The following ITGB1 variants were observed in gnomAD, a reference collection of about 807,000 sequenced individuals.
The protein encoded by ITGB1 is integrin subunit beta 1.
ITGB1 carries 24 observed loss-of-function variants against 86.5 expected under a neutral mutation model. The ratio of observed to expected loss-of-function variants is 0.28; its 90% CI spans 0.20 to 0.39. ITGB1 has a LOEUF of 0.39. Among genes scored for constraint, ITGB1 ranks in the 10% least tolerant of loss-of-function variants. The pLI is 1.00. For synonymous variants in ITGB1, 323 were observed against 316.8 expected, an observed-to-expected ratio of 1.02 and a Z score of -0.21; for missense variants, 556 against 946.9, an observed-to-expected ratio of 0.59 and a Z score of 5.42.
intron 1 of ITGB1, among the ~76,000 whole-genome samples, chr10:32,948,971 G>GAGAAAAAAAAAAAAAA (rs760315689): frequency 8.2e-6 from 1 of 121,384 alleles, no homozygotes; most frequent in Non-Finnish European, 1.8e-5. Flanking sequence ...GTGGATTACT[G>GAGAAAAAAAAAAAAAA]AAAAAAAAAA....
At chr10:32,947,700 T>C (rs989114759) in intron 1 of ITGB1, among the ~76,000 whole-genome samples, 1 of 152,136 alleles carries the variant, frequency 6.6e-6, no homozygotes, top group African/African-American at 2.4e-5. Flanking sequence ...CTCTGAGGTA[T>C]CAAAAAATAA....
At chr10:32,950,292 TAG>T (rs772668563) in intron 1 of ITGB1, among the ~76,000 whole-genome samples, 2 of 151,924 alleles carry the variant, frequency 1.3e-5, no homozygotes, top group Non-Finnish European at 2.9e-5. Context: ...TTATCCCACA[TAG>T]AGAGTAATAA....
intron 1 of ITGB1, chr10:32,953,900 C>A (rs2095047345): frequency 6.6e-6 from 1 of 152,180 alleles, no homozygotes. Context: ...CCCAGAAATA[C>A]CTATGTCACT....
At chr10:32,903,893 C>A (rs1363824294) in intron 15 of ITGB1, among the ~76,000 whole-genome samples, 2 of 151,474 alleles carry the variant, frequency 1.3e-5, no homozygotes, top group African/African-American at 4.9e-5. Flanking sequence ...CTAAGTGCTA[C>A]ACATTCCTTC....
Position 32,958,158 on chromosome 10 carries a change from C to G in ITGB1, c.-14G>C, listed in dbSNP as rs1194901456. On this transcript the variant is annotated 5_prime_UTR_variant, in exon 1 of 16. Coordinates refer to ENST00000302278, the MANE Select transcript of ITGB1 (RefSeq NM_002211.4). ...GCCGGCCCCTACCTTTTCCGCGCGG[C>G]GTCCGGGGCCCGGCGCGGTGGGCTC... 1 of 151,184 alleles carries G rather than the reference C, an allele frequency of 6.6e-6. No individual in the cohort carries two copies. Among genetic ancestry groups the G allele is most frequent in the African/African-American group, 2.4e-5 (1 of 41,256 alleles). 9.4% of individuals were successfully genotyped at this position (151,184 alleles called of 1,614,324 possible).
intron 11 of ITGB1, among the ~76,000 whole-genome samples, chr10:32,914,629 T>C (rs886856742): frequency 1.3e-4 from 20 of 152,118 alleles, no homozygotes; most frequent in African/African-American, 4.8e-4. Flanking sequence ...CCTAAATATA[T>C]ATGCACCCAA....
chr10:32,945,381 G>A (rs1233796291), intron 1 of ITGB1, among the ~76,000 whole-genome samples: 2 of 152,074 alleles, frequency 1.3e-5, no homozygotes, highest in Admixed American at 6.5e-5. Flanking sequence ...GGTGCATCAC[G>A]AGGTCAGGAG....
chr10:32,937,600 T>C (rs1470354385), intron 1 of ITGB1, among the ~76,000 whole-genome samples: 2 of 148,088 alleles, frequency 1.4e-5, no homozygotes, highest in Non-Finnish European at 3.0e-5. Flanking sequence ...TAATTTTGGA[T>C]GTAAAGTACA....
At position 32,952,654 on chromosome 10, in the gene ITGB1, T is replaced by C. The variant is rs888690449; in HGVS notation, c.-1+5491A>G. The stretch of plus-strand genomic sequence containing the variant: ...AAAAATGTGACTTCCATACTCCAAA[T>C]GGTACATACCTAATTTCGTATGTAA... On this transcript the variant is annotated intron_variant, in intron 1 of 15. Coordinates refer to ENST00000302278, the MANE Select transcript of ITGB1 (RefSeq NM_002211.4). Among the ~76,000 whole-genome samples, 45 of 152,290 alleles carry C rather than the reference T, an allele frequency of 3.0e-4. 1 individual carries two copies. Among genetic ancestry groups the C allele is most frequent in the Admixed American group, 2.9e-3 (44 of 15,296 alleles).
At chr10:32,937,554 CAAAAAAA>C (rs56280552) in intron 1 of ITGB1, among the ~76,000 whole-genome samples, 45,124 of 92,842 alleles carry the variant, frequency 0.49, 7,920 homozygotes, top group Middle Eastern at 0.63. Context: ...GACTCCGTCT[CAAAAAAA>C]AAAAAAAAAA....
At chr10:32,904,702 T>G (rs2094891455) in intron 15 of ITGB1, among the ~76,000 whole-genome samples, 1 of 152,146 alleles carries the variant, frequency 6.6e-6, no homozygotes, top group South Asian at 2.1e-4. Context: ...TTATTTCAAT[T>G]GTTAATTTCT....
intron 1 of ITGB1, among the ~76,000 whole-genome samples, chr10:32,956,396 A>AT (rs937511756): frequency 5.4e-5 from 8 of 149,292 alleles, no homozygotes; most frequent in East Asian, 2.0e-4. Flanking sequence ...TAAAACTACA[A>AT]TTAAAAAAAA....
chr10:32,912,139 CAAA>C lies in ITGB1; in HGVS notation c.1470-18_1470-16del, dbSNP rs1369721913. 1 of 1,597,822 alleles carries C rather than the reference CAAA, an allele frequency of 6.3e-7. No individual in the cohort carries two copies. Among genetic ancestry groups the C allele is most frequent in the Admixed American group, 1.7e-5 (1 of 58,360 alleles). ...CTTCATTGCACCTGAAGAAACATGC[CAAA>C]ATTGCAATCACACAAAACAAAAATA... On this transcript the variant is annotated splice_polypyrimidine_tract_variant and intron_variant, in intron 11 of 15. Transcript: ENST00000302278.
At chr10:32,951,233 G>C (rs2095042009) in intron 1 of ITGB1, among the ~76,000 whole-genome samples, 1 of 152,078 alleles carries the variant, frequency 6.6e-6, no homozygotes, top group Middle Eastern at 3.4e-3. Context: ...CACAAAAGTC[G>C]AGGAAAAGTA....
At chr10:32,953,432 G>A (rs1186642539) in intron 1 of ITGB1, among the ~76,000 whole-genome samples, 5 of 152,046 alleles carry the variant, frequency 3.3e-5, no homozygotes, top group African/African-American at 9.7e-5. Flanking sequence ...AAAATGTAAT[G>A]TACAGCCAAG....
intron 1 of ITGB1, among the ~76,000 whole-genome samples, chr10:32,956,016 T>G (rs2095051474): frequency 6.6e-6 from 1 of 152,186 alleles, no homozygotes; most frequent in Admixed American, 6.5e-5. Flanking sequence ...ACCACATTCT[T>G]TGTCCTTTTA....
intron 15 of ITGB1, among the ~76,000 whole-genome samples, chr10:32,907,603 T>A (rs2094900353): frequency 6.6e-6 from 1 of 152,090 alleles, no homozygotes; most frequent in Non-Finnish European, 1.5e-5. Flanking sequence ...CCAAGGAAGA[T>A]CCCTTACGCC....
intron 5 of ITGB1, among the ~76,000 whole-genome samples, chr10:32,926,673 A>G (rs1192103237): frequency 6.6e-6 from 1 of 152,212 alleles, no homozygotes; most frequent in Non-Finnish European, 1.5e-5. Flanking sequence ...TAGAGCTTGC[A>G]GGACCGTAAA....
chr10:32,930,686 G>T (rs1025862361), intron 3 of ITGB1, among the ~76,000 whole-genome samples: 2 of 151,968 alleles, frequency 1.3e-5, no homozygotes, highest in Non-Finnish European at 2.9e-5. Flanking sequence ...GGTAAAAGGA[G>T]TAAGTATATG....
Sources: allele counts gnomAD v4.1 joint callset (sites outside exome capture counted in the v4.1 genomes callset), GRCh38; gene constraint gnomAD v4.1.1; transcripts MANE v1.5; gene names NCBI Gene and HGNC (gene_info 2026-07-23, HGNC 2026-07-21).